Variants in CDH11 observed in about 807,000 individuals in gnomAD.
CDH11 encodes the protein cadherin 11.
Under a neutral mutation model 67.8 loss-of-function variants are expected in CDH11, and 11 were observed. That is an observed-to-expected ratio of 0.16 (90% CI 0.10 to 0.27). The LOEUF (loss-of-function observed/expected upper bound fraction) is 0.27, where lower values mean the gene tolerates loss of function less well. CDH11 is among the 10% of genes least tolerant of loss of function. The probability of loss-of-function intolerance (pLI) is 1.00; values close to 1 mark genes in which losing one functional copy is unlikely to be tolerated. For missense variants in CDH11, 847 were observed against 1,031.2 expected (o/e 0.82, Z 2.45); for synonymous variants, 419 against 400.0 (o/e 1.05, Z -0.57).
rs745829007 is a variant in CDH11, at chr16:64,988,324, A to G, written c.832T>C (p.Ser278Pro). Residue 278 changes from serine to proline, a missense_variant, in exon 7 of 13, where the codon TCA (serine) becomes CCA (proline). Around this residue, in one of 2 missense-constraint regions of CDH11, gnomAD observed 612 missense variants for 678.7 expected, o/e 0.90. Transcript: ENST00000268603. ...FPQSVYQMSV[S>P]EAAVPGEEVG... Reference sequence around the variant, plus strand: ...TCCTCCCCAGGGACGGCTGCTTCTGACACAGACATCTGGTATACGCCTAGA... The same window carrying G: ...TCCTCCCCAGGGACGGCTGCTTCTGGCACAGACATCTGGTATACGCCTAGA... 17 of 1,612,970 alleles carry G rather than the reference A, an allele frequency of 1.1e-5. No homozygotes were observed. Among genetic ancestry groups the G allele is most frequent in the Non-Finnish European group, 1.4e-5 (17 of 1,179,546 alleles).
intron 8 of CDH11, among the ~76,000 whole-genome samples, chr16:64,978,748 G>T (rs951110657): frequency 6.6e-6 from 1 of 152,018 alleles, no homozygotes; most frequent in African/African-American, 2.4e-5. Context: ...AAATAATAAA[G>T]TTGGACCCCT....
At chr16:65,075,122 C>T (rs1192777586) in intron 1 of CDH11, among the ~76,000 whole-genome samples, 1 of 152,162 alleles carries the variant, frequency 6.6e-6, no homozygotes, top group Non-Finnish European at 1.5e-5. Flanking sequence ...ATCAGTCCAC[C>T]ATTTGTGGGT....
chr16:65,122,283 G>C, upstream of CDH11: 1 of 381,342 alleles, frequency 2.6e-6, no homozygotes, highest in Non-Finnish European at 4.8e-6. Context: ...CAGGGGCCCA[G>C]AGATGCTAAC....
At position 65,047,465 on chromosome 16, in the gene CDH11, C is replaced by T. The variant is rs1439608194; in HGVS notation, c.-173+6339G>A. On this transcript the variant is annotated intron_variant, in intron 2 of 12. Transcript: ENST00000268603. ...CTGCTGGGTTCAAGTGATTCTCCTG[C>T]CTCAGCCTCCCGAGCAGCTGGGACT... Among the ~76,000 whole-genome samples the T allele has an allele frequency of 2.6e-5, 4 of 152,058 alleles. No individual in the cohort carries two copies. In the East Asian group the frequency reaches 5.8e-4, roughly 22 times the overall value.
chr16:65,054,574 A>G (rs1295213162), intron 1 of CDH11, among the ~76,000 whole-genome samples: 1 of 152,114 alleles, frequency 6.6e-6, no homozygotes, highest in Non-Finnish European at 1.5e-5. Context: ...ATTCATCTTC[A>G]TATCTCCCAA....
At chr16:65,117,168 C>T (rs1167033763) in intron 1 of CDH11, among the ~76,000 whole-genome samples, 2 of 152,114 alleles carry the variant, frequency 1.3e-5, no homozygotes, top group Non-Finnish European at 2.9e-5. Flanking sequence ...CTTAATACTC[C>T]CTCCCATAAT....
intron 8 of CDH11, among the ~76,000 whole-genome samples, chr16:64,977,404 T>A (rs1247235519): frequency 6.6e-6 from 1 of 152,174 alleles, no homozygotes; most frequent in African/African-American, 2.4e-5. Context: ...CAGATGTGAA[T>A]CCTTGGAGAC....
intron 11 of CDH11, among the ~76,000 whole-genome samples, chr16:64,965,548 C>A (rs1180252922): frequency 6.6e-6 from 1 of 152,112 alleles, no homozygotes; most frequent in Non-Finnish European, 1.5e-5. Context: ...TCTATGGTAA[C>A]AATGCCTTCT....
intron 1 of CDH11, among the ~76,000 whole-genome samples, chr16:65,056,529 T>A (rs1006151822): frequency 6.6e-6 from 1 of 152,222 alleles, no homozygotes; most frequent in Admixed American, 6.5e-5. Context: ...ATAACTGGAA[T>A]GTTATAAACA....
In CDH11 at chr16:64,951,038, A is replaced by G; in HGVS notation, c.1643-20T>C. On this transcript the variant is annotated intron_variant, in intron 11 of 12. Transcript: ENST00000268603. Reference sequence around the variant, plus strand: ...TGTTATCTGCAGAAAGAGGGGAGACAGGCCGTGCGCCCAGTCAAGACCATT... The same window carrying G: ...TGTTATCTGCAGAAAGAGGGGAGACGGGCCGTGCGCCCAGTCAAGACCATT... 2 of 1,607,072 alleles carry G rather than the reference A, an allele frequency of 1.2e-6. No homozygotes were observed. The highest frequency in any genetic ancestry group is 1.7e-6 in the Non-Finnish European group (2 of 1,175,816).
intron 1 of CDH11, among the ~76,000 whole-genome samples, chr16:65,055,689 C>T (rs909717477): frequency 6.6e-6 from 1 of 152,132 alleles, no homozygotes; most frequent in Non-Finnish European, 1.5e-5. Flanking sequence ...CTTTAGACCT[C>T]AGAATTTATG....
intron 1 of CDH11, among the ~76,000 whole-genome samples, chr16:65,065,317 G>T (rs955387740): frequency 5.3e-5 from 8 of 152,134 alleles, no homozygotes; most frequent in Admixed American, 2.0e-4. Flanking sequence ...ATTTCAGGCC[G>T]CCTACAAAGG....
At chr16:65,106,540 T>C (rs2035204949) in intron 1 of CDH11, among the ~76,000 whole-genome samples, 1 of 152,196 alleles carries the variant, frequency 6.6e-6, no homozygotes, top group Non-Finnish European at 1.5e-5. Context: ...CTTATTAATA[T>C]GCATTAGAGA....
intron 1 of CDH11, among the ~76,000 whole-genome samples, chr16:65,089,272 G>A (rs1399833491): frequency 1.3e-5 from 2 of 152,108 alleles, no homozygotes; most frequent in East Asian, 3.9e-4. Flanking sequence ...CCTAGACAAG[G>A]ATTTAAACTT....
intron 2 of CDH11, among the ~76,000 whole-genome samples, chr16:65,052,749 C>T (rs112757966): frequency 3.8e-4 from 58 of 152,008 alleles, no homozygotes; most frequent in African/African-American, 1.3e-3. Flanking sequence ...GAGAAATAAC[C>T]CTGGAAGCAA....
intron 3 of CDH11, 86 bp from the exon 4 acceptor site, chr16:64,998,942 C>T (rs909715498): frequency 5.3e-5 from 52 of 985,142 alleles, no homozygotes; most frequent in Middle Eastern, 4.4e-4. Context: ...CAATCTGCTG[C>T]GCACACACAC....
intron 1 of CDH11, among the ~76,000 whole-genome samples, chr16:65,101,166 T>C (rs141343615): frequency 9.2e-5 from 14 of 152,332 alleles, no homozygotes; most frequent in African/African-American, 2.4e-4. Context: ...CACAAACTTG[T>C]TCTCCACATT....
chr16:65,013,726 C>G (rs527687861), intron 2 of CDH11, among the ~76,000 whole-genome samples: 69 of 151,906 alleles, frequency 4.5e-4, no homozygotes, highest in Admixed American at 7.9e-4. Flanking sequence ...ACTCGGGAGG[C>G]TGAGGCAGAA....
chr16:64,996,987 A>T (rs1013810105), intron 4 of CDH11, among the ~76,000 whole-genome samples: 7 of 151,954 alleles, frequency 4.6e-5, no homozygotes, highest in Non-Finnish European at 7.4e-5. Context: ...CAGTATATTC[A>T]TGTATATTCA....
Sources: allele counts gnomAD v4.1 joint callset (sites outside exome capture counted in the v4.1 genomes callset), GRCh38; gene constraint gnomAD v4.1.1; regional missense constraint gnomAD v4.1.1; transcripts MANE v1.5; gene names NCBI Gene and HGNC (gene_info 2026-07-23, HGNC 2026-07-21).